The following ARMC7 variants were observed in gnomAD, a reference collection of about 807,000 sequenced individuals.
ARMC7 encodes armadillo repeat-containing protein 7.
In ARMC7, 9 loss-of-function variants were observed where a neutral mutation model predicts 14.8. The observed-to-expected ratio is 0.61, with a 90% CI of 0.37 to 1.06. The LOEUF (loss-of-function observed/expected upper bound fraction) is 1.06. Among genes scored for constraint, ARMC7 ranks in the 50% least tolerant of loss-of-function variants. The pLI is 0.01. For missense variants in ARMC7, 262 were observed against 267.1 expected, an observed-to-expected ratio of 0.98 and a Z score of 0.13; for synonymous variants, 125 against 123.4, an observed-to-expected ratio of 1.01 and a Z score of -0.09.
chr17:75,123,032 CTTT>C (rs34863483), intron 2 of ARMC7, among the ~76,000 whole-genome samples: 2 of 135,968 alleles, frequency 1.5e-5, no homozygotes, highest in Admixed American at 1.5e-4. Context: ...TCTTTGGACA[CTTT>C]TTTTTTTTTT....
At chr17:75,127,623 TCTCA>T (rs779477670) in intron 2 of ARMC7, among the ~76,000 whole-genome samples, 30 of 151,552 alleles carry the variant, frequency 2.0e-4, no homozygotes, top group Non-Finnish European at 1.5e-5. Context: ...TGAGACAGGG[TCTCA>T]CTCTGTCGCC....
chr17:75,125,364 G>A (rs1484289195), intron 2 of ARMC7, among the ~76,000 whole-genome samples: 1 of 152,172 alleles, frequency 6.6e-6, no homozygotes, highest in African/African-American at 2.4e-5. Context: ...AGCAGTGGAG[G>A]GCTTGTTACC....
intron 2 of ARMC7, chr17:75,114,876 G>A (rs1206800938): frequency 2.5e-6 from 1 of 393,226 alleles, no homozygotes; most frequent in South Asian, 1.3e-4. Flanking sequence ...GAGCCCCCGC[G>A]TATTTTCTTA....
At chr17:75,116,425 C>A (rs577079442) in intron 2 of ARMC7, among the ~76,000 whole-genome samples, 1 of 152,136 alleles carries the variant, frequency 6.6e-6, no homozygotes, top group Non-Finnish European at 1.5e-5. Context: ...GTCGGGAGTT[C>A]GAGACCAGCC....
At position 75,125,267 on chromosome 17, in the gene ARMC7, G is replaced by A. The variant is rs568730401; in HGVS notation, c.236-3410G>A. On this transcript the variant is annotated intron_variant, in intron 2 of 2. Transcript: ENST00000245543. ...TTTGAACCCTTTCCCCCCCGGGTCA[G>A]TGCTTAAAGGATCAGGTGATGAAGG... is the stretch of plus-strand genomic sequence containing the variant. Among the ~76,000 whole-genome samples, 61 of 152,306 alleles carry A rather than the reference G, an allele frequency of 4.0e-4. 1 individual carries two copies. Among genetic ancestry groups the A allele is most frequent in the African/African-American group, 1.4e-3 (60 of 41,556 alleles).
In ARMC7 at chr17:75,130,096, A is replaced by T. The variant is rs151320396; in HGVS notation, c.*1058A>T. On this transcript the variant is annotated 3_prime_UTR_variant, in exon 3 of 3. Coordinates refer to ENST00000245543, the MANE Select transcript of ARMC7 (RefSeq NM_024585.4). Reference sequence around the variant, plus strand: ...GCCCAGGAATGGCAGGTGCTACAAAAATGGTACCCACGTGGGCATGGAAAT... The same window carrying T: ...GCCCAGGAATGGCAGGTGCTACAAATATGGTACCCACGTGGGCATGGAAAT... The T allele has an allele frequency of 5.1e-3, 937 of 181,980 alleles. 7 individuals are homozygous for T. The highest frequency in any genetic ancestry group is 6.3e-3 in the South Asian group (57 of 8,990). 11.3% of individuals were successfully genotyped at this position (181,980 alleles called of 1,614,324 possible). A position where few individuals can be genotyped will look rare whatever the true frequency, so the allele number is the denominator to read the frequency against.
chr17:75,110,678 TG>T, intron 2 of ARMC7, 72 bp downstream of exon 2: 1 of 1,579,576 alleles, frequency 6.3e-7, no homozygotes, highest in South Asian at 1.1e-5. Context: ...AGTGAGTCCT[TG>T]GGGCCGGGCG....
chr17:75,115,262 A>C (rs1216301118), intron 2 of ARMC7, among the ~76,000 whole-genome samples: 6 of 152,140 alleles, frequency 3.9e-5, no homozygotes, highest in Non-Finnish European at 8.8e-5. Context: ...ACCAAAACCA[A>C]GCTGGGTATG....
At chr17:75,116,623 C>T (rs2073974861) in intron 2 of ARMC7, among the ~76,000 whole-genome samples, 1 of 152,210 alleles carries the variant, frequency 6.6e-6, no homozygotes, top group African/African-American at 2.4e-5. Flanking sequence ...GAAACTCCGT[C>T]TCAAAATAAA....
intron 2 of ARMC7, among the ~76,000 whole-genome samples, chr17:75,116,212 G>A (rs2073971845): frequency 6.6e-6 from 1 of 152,234 alleles, no homozygotes; most frequent in Non-Finnish European, 1.5e-5. Flanking sequence ...CCCACTGCAT[G>A]CCAGGCGCTT....
Position 75,113,916 on chromosome 17 carries a change from C to T in ARMC7, c.235+3310C>T, listed in dbSNP as rs76984585. On this transcript the variant is annotated intron_variant, in intron 2 of 2. Transcript: ENST00000245543. ...AGAGAGGCCCATGCAGCCGTGGGAGCAGGTTTAGGGCCTGGAGCTCCAGGT... is the reference window on the plus strand; with the variant it reads ...AGAGAGGCCCATGCAGCCGTGGGAGTAGGTTTAGGGCCTGGAGCTCCAGGT... 4.7e-4 allele frequency among the ~76,000 whole-genome samples: 71 copies of T among 152,244 alleles called. 1 individual carries two copies. In the East Asian group the frequency reaches 0.012, roughly 25 times the overall value.
chr17:75,118,287 G>T (rs1475555049), intron 2 of ARMC7, among the ~76,000 whole-genome samples: 2 of 152,266 alleles, frequency 1.3e-5, no homozygotes, highest in South Asian at 4.1e-4. Context: ...TTTCATGAAG[G>T]GACTCAAGAT....
chr17:75,115,320 AC>A lies in ARMC7; in HGVS notation c.235+4715del, dbSNP rs1598165104. On this transcript the variant is annotated intron_variant, in intron 2 of 2. Coordinates refer to ENST00000245543, the MANE Select transcript of ARMC7 (RefSeq NM_024585.4). ...TTTGGGAGGCCGAGGGGGGTGGATC[AC>A]TTGAGGTCAGGAGTTCGAGACCAGC... Among the ~76,000 whole-genome samples the A allele has an allele frequency of 3.3e-5, 5 of 152,136 alleles. No homozygotes were observed. The East Asian group carries it at 7.7e-4, about 23-fold the overall frequency.
At chr17:75,112,926 C>T (rs2073939362) in intron 2 of ARMC7, among the ~76,000 whole-genome samples, 1 of 152,050 alleles carries the variant, frequency 6.6e-6, no homozygotes, top group Non-Finnish European at 1.5e-5. Context: ...GTCTCATTGC[C>T]TCTTTGTGGT....
intron 2 of ARMC7, among the ~76,000 whole-genome samples, chr17:75,111,379 G>C (rs2073921353): frequency 6.6e-6 from 1 of 151,838 alleles, no homozygotes; most frequent in South Asian, 2.1e-4. Context: ...CCGGTAGGCA[G>C]AGGTTGTAGT....
chr17:75,111,947 C>T (rs2073926756), intron 2 of ARMC7, among the ~76,000 whole-genome samples: 1 of 151,254 alleles, frequency 6.6e-6, no homozygotes. Context: ...GGTCTTTGCC[C>T]CTCAGGAGCT....
chr17:75,125,190 G>A (rs900854590), intron 2 of ARMC7, among the ~76,000 whole-genome samples: 1 of 152,190 alleles, frequency 6.6e-6, no homozygotes, highest in Non-Finnish European at 1.5e-5. Context: ...AGTCCAGGGT[G>A]GGCAGGATGT....
At chr17:75,122,076 A>G (rs58025213) in intron 2 of ARMC7, among the ~76,000 whole-genome samples, 70,933 of 151,760 alleles carry the variant, frequency 0.47, 18,521 homozygotes, top group East Asian at 0.7. Flanking sequence ...GCTCACGCCT[A>G]TAATCCCAGC....
At chr17:75,128,656 C>T (rs1322225550) in intron 2 of ARMC7, 21 bp from the exon 3 acceptor site, 4 of 1,598,394 alleles carry the variant, frequency 2.5e-6, no homozygotes, top group South Asian at 2.2e-5. Context: ...AGCATCCAGA[C>T]TCTTCCTTGC....
Sources: gnomAD v4.1 joint callset for allele counts (sites outside exome capture counted in the v4.1 genomes callset) on GRCh38, gnomAD v4.1.1 for gene constraint, MANE v1.5 for transcripts, NCBI Gene and HGNC (gene_info 2026-07-23, HGNC 2026-07-21) for gene names.